ALDH1L1: variants seen among roughly 807,000 people sequenced by gnomAD.
ALDH1L1 encodes the protein cytosolic 10-formyltetrahydrofolate dehydrogenase.
A neutral mutation model predicts 101.1 loss-of-function variants in ALDH1L1; 68 were observed. That is an observed-to-expected ratio of 0.67 (90% CI 0.55 to 0.82). ALDH1L1 has a LOEUF of 0.82. ALDH1L1 is among the 40% of genes least tolerant of loss of function. ALDH1L1 has a pLI of 0.00. For synonymous variants in ALDH1L1, 486 were observed against 470.8 expected (o/e 1.03, Z -0.42); for missense variants, 1,087 against 1,172.7 (o/e 0.93, Z 1.07).
In ALDH1L1 at chr3:126,167,772, C is replaced by T. The variant is rs574988502; in HGVS notation, c.-23-6770G>A. On this transcript the variant is annotated intron_variant, in intron 1 of 22. Coordinates refer to ENST00000393434, the MANE Select transcript of ALDH1L1 (RefSeq NM_012190.4). ...AAGAGTATTGCCCAACTAAACTTTG[C>T]TCCCACCTGTTCAGTAGTTACTTAT... Among the ~76,000 whole-genome samples, 8 of 152,242 alleles carry T rather than the reference C, an allele frequency of 5.3e-5. No homozygotes were observed. In the East Asian group the frequency reaches 1.5e-3, roughly 29 times the overall value.
chr3:126,131,163 C>T (rs565022852), intron 13 of ALDH1L1, among the ~76,000 whole-genome samples: 26 of 152,348 alleles, frequency 1.7e-4, no homozygotes, highest in African/African-American at 2.2e-4. Context: ...GTCCAGCCAG[C>T]GCCTTAGCTT....
intron 5 of ALDH1L1, among the ~76,000 whole-genome samples, chr3:126,155,096 C>T (rs972523144): frequency 5.3e-5 from 8 of 152,172 alleles, no homozygotes; most frequent in African/African-American, 1.9e-4. Flanking sequence ...AGACTGCTCG[C>T]ACTACGGCTG....
At chr3:126,155,713 C>T (rs548317686) in intron 4 of ALDH1L1, 14 of 498,554 alleles carry the variant, frequency 2.8e-5, no homozygotes, top group African/African-American at 2.8e-4. Flanking sequence ...TCCTCTCTAC[C>T]TGGCAAAGGT....
chr3:126,157,252 T>A, intron 4 of ALDH1L1, 91 bp downstream of exon 4: 2 of 1,452,200 alleles, frequency 1.4e-6, no homozygotes, highest in East Asian at 2.3e-5. Flanking sequence ...GGGAACAGAT[T>A]CCTGGCCTCC....
At chr3:126,130,029 T>G (rs1017905500) in intron 14 of ALDH1L1, 194 bp downstream of exon 14, 41 of 478,266 alleles carry the variant, frequency 8.6e-5, no homozygotes, top group Admixed American at 4.5e-4. Flanking sequence ...CCAGTGTTAC[T>G]GGGAGATTAA....
rs1364492208 is a variant in ALDH1L1 at position 126,158,496 on chromosome 3, G to T, written c.271C>A (p.Pro91Thr). Residue 91 changes from proline (P) to threonine (T), a missense_variant, in exon 3 of 23, where the codon CCC becomes ACC. This residue lies in a region of ALDH1L1 where 645 missense variants were observed against 637.0 expected (regional missense o/e 1.01). Coordinates refer to ENST00000393434, the MANE Select transcript of ALDH1L1 (RefSeq NM_012190.4). ...NVLPFCSQFI[P>T]MEIISAPRHG... is the part of the protein sequence containing the mutation. ...CGGGGGGCACTGATTATCTCCATGG[G>T]GATGAATTGGCTGCAGAAGGGCAGG... 3 of 1,614,170 alleles carry T rather than the reference G, an allele frequency of 1.9e-6. No homozygotes were observed. The highest frequency in any genetic ancestry group is 1.7e-6 in the Non-Finnish European group (2 of 1,180,014).
chr3:126,124,307 C>T, intron 16 of ALDH1L1, 57 bp downstream of exon 16: 1 of 1,497,644 alleles, frequency 6.7e-7, no homozygotes, highest in Non-Finnish European at 9.2e-7. Flanking sequence ...CCTGCTCTGC[C>T]CAATGGCATC....
At chr3:126,180,989 C>T (rs1227083776), upstream of ALDH1L1, 2 of 1,609,184 alleles carry the variant, frequency 1.2e-6, no homozygotes, top group South Asian at 1.1e-5. Flanking sequence ...CACAGCAGAG[C>T]GAAAGGAGAC....
At chr3:126,142,332 C>T (rs2080584887) in intron 9 of ALDH1L1, among the ~76,000 whole-genome samples, 1 of 152,192 alleles carries the variant, frequency 6.6e-6, no homozygotes. Flanking sequence ...AACACATCTT[C>T]AACTCTGTCC....
At chr3:126,147,990 C>T (rs962395504) in intron 8 of ALDH1L1, among the ~76,000 whole-genome samples, 1 of 152,138 alleles carries the variant, frequency 6.6e-6, no homozygotes, top group African/African-American at 2.4e-5. Context: ...CTTAAGGGTC[C>T]AATTCCTGTG....
intron 9 of ALDH1L1, among the ~76,000 whole-genome samples, chr3:126,145,201 A>C (rs2080649872): frequency 6.6e-6 from 1 of 152,196 alleles, no homozygotes; most frequent in Admixed American, 6.5e-5. Flanking sequence ...GGAAGATAGG[A>C]ATGAAAGTAA....
At chr3:126,113,619 G>A (rs778075108) in intron 18 of ALDH1L1, among the ~76,000 whole-genome samples, 2 of 152,196 alleles carry the variant, frequency 1.3e-5, no homozygotes, top group African/African-American at 4.8e-5. Context: ...ACCCGGGCCC[G>A]TGAACAAGGC....
intron 17 of ALDH1L1, chr3:126,114,963 T>C (rs1283587571): frequency 2.1e-6 from 1 of 485,166 alleles, no homozygotes; most frequent in East Asian, 5.9e-5. Flanking sequence ...GATCGCCCCG[T>C]ATAAAACCAC....
At chr3:126,112,908 T>C (rs749397325) in intron 18 of ALDH1L1, 28 bp from the exon 19 acceptor site, 5 of 1,603,384 alleles carry the variant, frequency 3.1e-6, no homozygotes, top group Non-Finnish European at 4.3e-6. Flanking sequence ...GAACACCAGG[T>C]CACTGCTCCT....
intron 16 of ALDH1L1, among the ~76,000 whole-genome samples, chr3:126,121,486 T>C (rs944993249): frequency 6.6e-6 from 1 of 152,194 alleles, no homozygotes; most frequent in African/African-American, 2.4e-5. Flanking sequence ...TACAACTATA[T>C]GATATTTAAG....
At chr3:126,138,643 A>G (rs1426980635) in intron 9 of ALDH1L1, among the ~76,000 whole-genome samples, 3 of 152,240 alleles carry the variant, frequency 2.0e-5, no homozygotes, top group African/African-American at 7.2e-5. Context: ...CTATTGGGAA[A>G]GATGTAGTAC....
At chr3:126,108,762 G>A (rs1244457525) in intron 20 of ALDH1L1, among the ~76,000 whole-genome samples, 2 of 152,246 alleles carry the variant, frequency 1.3e-5, no homozygotes, top group African/African-American at 4.8e-5. Flanking sequence ...TGGAGCCCAA[G>A]AAAGCAGGAG....
intron 17 of ALDH1L1, among the ~76,000 whole-genome samples, chr3:126,117,098 A>C (rs1210924167): frequency 6.6e-6 from 1 of 152,010 alleles, no homozygotes; most frequent in Admixed American, 6.6e-5. Context: ...TTAAAAACTT[A>C]TCCAGGTATG....
At chr3:126,144,624 G>T (rs1190526745) in intron 9 of ALDH1L1, among the ~76,000 whole-genome samples, 1 of 152,210 alleles carries the variant, frequency 6.6e-6, no homozygotes, top group African/African-American at 2.4e-5. Context: ...TTCAACAAGT[G>T]ATGTTGGAAA....
Sources: gnomAD v4.1 joint callset for allele counts (sites outside exome capture counted in the v4.1 genomes callset) on GRCh38, gnomAD v4.1.1 for gene constraint, gnomAD v4.1.1 regional missense constraint, MANE v1.5 for transcripts, NCBI Gene and HGNC (gene_info 2026-07-23, HGNC 2026-07-21) for gene names.